Variants in PCDHGA4 observed in about 807,000 individuals in gnomAD.
PCDHGA4 encodes the protein protocadherin gamma subfamily A, 4.
In PCDHGA4, 38 loss-of-function variants were observed where a neutral mutation model predicts 54.6. The ratio of observed to expected loss-of-function variants is 0.70; its 90% CI spans 0.54 to 0.91. The LOEUF is 0.91. PCDHGA4 is among the 40% of genes least tolerant of loss of function. PCDHGA4 has a pLI of 0.00. For missense variants in PCDHGA4, 1,298 were observed against 1,220.9 expected, an observed-to-expected ratio of 1.06 and a Z score of -0.94; for synonymous variants, 511 against 512.9, an observed-to-expected ratio of 1.00 and a Z score of 0.05.
In PCDHGA4 at chr5:141,376,000, G is replaced by A. The variant is rs771269314; in HGVS notation, c.2514+18379G>A. The A allele has an allele frequency of 1.4e-5, 22 of 1,613,334 alleles. No individual in the cohort carries two copies. In the Admixed American group the frequency reaches 3.3e-4, roughly 24 times the overall value. On this transcript the variant is annotated intron_variant, in intron 1 of 3. Transcript: ENST00000571252. Reference sequence around the variant, plus strand: ...CCCTGCTGGACAGAGACGCGCTCAAGCAGAGCCTAGTGGTGGCCGTCCAGG... The same window carrying A: ...CCCTGCTGGACAGAGACGCGCTCAAACAGAGCCTAGTGGTGGCCGTCCAGG...
chr5:141,494,400 C>A (rs2099754045), intron 1 of PCDHGA4, among the ~76,000 whole-genome samples: 1 of 152,158 alleles, frequency 6.6e-6, no homozygotes, highest in African/African-American at 2.4e-5. Flanking sequence ...TAAATTCATT[C>A]TAGGGCTGGT....
intron 1 of PCDHGA4, chr5:141,384,779 G>A (rs1252058358): frequency 6.2e-6 from 10 of 1,613,592 alleles, no homozygotes; most frequent in East Asian, 2.2e-5. Context: ...GGCGAGGTGC[G>A]CACGGCTCGG....
In PCDHGA4 at chr5:141,487,161, T is replaced by C; in HGVS notation, c.2515-7646T>C. Reference sequence around the variant, plus strand: ...CTCTCTACCTCTGTTACTCTCTTAGTGTCCTTAGAGGAAGACACTCATCCA... The same window carrying C: ...CTCTCTACCTCTGTTACTCTCTTAGCGTCCTTAGAGGAAGACACTCATCCA... On this transcript the variant is annotated intron_variant, in intron 1 of 3. Coordinates refer to ENST00000571252, the MANE Select transcript of PCDHGA4 (RefSeq NM_018917.4). This position sits in a 1 kb window ranked among gnomAD's most constrained non-coding sequence, Gnocchi z 5.0. 6.2e-7 allele frequency: 1 copy of C among 1,613,528 alleles called. No homozygotes were observed.
intron 1 of PCDHGA4, chr5:141,423,753 G>GC (rs1489142243): frequency 4.8e-6 from 3 of 626,014 alleles, no homozygotes; most frequent in African/African-American, 5.1e-5. Context: ...AACTGTTTGG[G>GC]GGGGGGGTGG....
intron 2 of PCDHGA4, among the ~76,000 whole-genome samples, chr5:141,504,211 A>G (rs2099836609): frequency 6.6e-6 from 1 of 152,218 alleles, no homozygotes. Flanking sequence ...GGAAAATTCC[A>G]AGTAGAGCTG....
At position 141,393,564 on chromosome 5, in the gene PCDHGA4, G is replaced by A; in HGVS notation, c.2514+35943G>A. On this transcript the variant is annotated intron_variant, in intron 1 of 3. Coordinates refer to ENST00000571252, the MANE Select transcript of PCDHGA4 (RefSeq NM_018917.4). ...TCCTCACCCGATTTACCGAGTGAAA[G>A]TCCTTGAGAACATGCCCCCAGGCAC... is the stretch of plus-strand genomic sequence containing the variant. 1 of 1,613,932 alleles carries A rather than the reference G, an allele frequency of 6.2e-7. No individual in the cohort carries two copies. Among genetic ancestry groups the A allele is most frequent in the Non-Finnish European group, 8.5e-7 (1 of 1,179,894 alleles).
At chr5:141,380,816 A>C (rs546532723) in intron 1 of PCDHGA4, among the ~76,000 whole-genome samples, 1 of 152,374 alleles carries the variant, frequency 6.6e-6, no homozygotes, top group East Asian at 1.9e-4. Flanking sequence ...AGATGAAACT[A>C]TGAATTTTGA....
chr5:141,417,875 G>A, intron 1 of PCDHGA4: 1 of 1,556,360 alleles, frequency 6.4e-7, no homozygotes, highest in South Asian at 1.2e-5. Flanking sequence ...AGGGAGCTGC[G>A]CGCAGAGGCG....
At chr5:141,400,079 C>A in intron 1 of PCDHGA4, 1 of 1,614,042 alleles carries the variant, frequency 6.2e-7, no homozygotes, top group East Asian at 2.2e-5. Flanking sequence ...CCGCCACTCT[C>A]CGCCACCGCC....
intron 1 of PCDHGA4, chr5:141,398,258 G>T (rs756489359): frequency 2.1e-6 from 3 of 1,454,654 alleles, no homozygotes; most frequent in Non-Finnish European, 2.8e-6. Context: ...ATGCCCAAGG[G>T]CTCCGTAGTG....
At chr5:141,418,674 GCAT>G (rs1401114725) in intron 1 of PCDHGA4, 1 of 1,614,032 alleles carries the variant, frequency 6.2e-7, no homozygotes, top group Non-Finnish European at 8.5e-7. Flanking sequence ...CAGGACGAGG[GCAT>G]CAACTCAGAG....
At chr5:141,495,257 A>T (rs1411983517) in intron 2 of PCDHGA4, among the ~76,000 whole-genome samples, 1 of 152,200 alleles carries the variant, frequency 6.6e-6, no homozygotes, top group Non-Finnish European at 1.5e-5. Context: ...CTCAGGCAGA[A>T]AAGCATTTGA....
intron 1 of PCDHGA4, among the ~76,000 whole-genome samples, chr5:141,482,981 A>T (rs1377809325): frequency 6.7e-6 from 1 of 150,250 alleles, no homozygotes; most frequent in Admixed American, 6.6e-5. Flanking sequence ...GCTACTTGAG[A>T]GGTCGAGGCA....
intron 1 of PCDHGA4, chr5:141,376,569 G>T: frequency 6.2e-7 from 1 of 1,603,942 alleles, no homozygotes; most frequent in South Asian, 1.1e-5. Flanking sequence ...CAACTAATCA[G>T]ACAGGCTCAT....
chr5:141,381,582 C>T (rs1777289375), intron 1 of PCDHGA4, among the ~76,000 whole-genome samples: 1 of 152,154 alleles, frequency 6.6e-6, no homozygotes, highest in African/African-American at 2.4e-5. Flanking sequence ...TCAGCCAATC[C>T]ATTATCCAGT....
chr5:141,465,881 G>T (rs1000308014), intron 1 of PCDHGA4, among the ~76,000 whole-genome samples: 1 of 151,960 alleles, frequency 6.6e-6, no homozygotes, highest in African/African-American at 2.4e-5. Flanking sequence ...CCAGCACTTT[G>T]GGAGGCCGAG....
At chr5:141,364,748 G>T (rs891416528) in intron 1 of PCDHGA4, 3 of 1,613,978 alleles carry the variant, frequency 1.9e-6, no homozygotes, top group Non-Finnish European at 8.5e-7. Flanking sequence ...AGAGTTAAAA[G>T]TAAAAGTTAA....
In PCDHGA4 at chr5:141,357,270, ACTCTAT is replaced by A. The variant is rs1437213863; in HGVS notation, c.2167_2172del (p.Tyr723_Leu724del). 1 of 1,610,332 alleles carries A rather than the reference ACTCTAT, an allele frequency of 6.2e-7. No homozygotes were observed. The highest frequency in any genetic ancestry group is 2.2e-5 in the East Asian group (1 of 44,768). ...CAGACCCAGACGACTCGGGCCTCAC[ACTCTAT>A]CTCGTGGTGGCAGTGGCCGCTGTCT... On this transcript the variant is annotated inframe_deletion, in exon 1 of 4. Transcript: ENST00000571252.
intron 2 of PCDHGA4, among the ~76,000 whole-genome samples, chr5:141,500,125 T>C (rs1367341826): frequency 2.0e-5 from 3 of 151,970 alleles, no homozygotes; most frequent in African/African-American, 4.8e-5. Flanking sequence ...CCTTTTCATA[T>C]ATATCTTTCT....
Sources: allele counts gnomAD v4.1 joint callset (sites outside exome capture counted in the v4.1 genomes callset), GRCh38; gene constraint gnomAD v4.1.1; non-coding constraint Gnocchi (gnomAD v3.1); transcripts MANE v1.5; gene names NCBI Gene and HGNC (gene_info 2026-07-23, HGNC 2026-07-21).